ZNF750: variants seen among roughly 807,000 people sequenced by gnomAD.
ZNF750 encodes protein ZNF750.
ZNF750 carries 10 observed loss-of-function variants against 31.6 expected under a neutral mutation model. That is an observed-to-expected ratio of 0.32 (90% CI 0.19 to 0.54). The LOEUF (loss-of-function observed/expected upper bound fraction) is 0.54, where lower values mean the gene tolerates loss of function less well. Ranked by LOEUF, ZNF750 falls within the 20% of genes least tolerant of loss-of-function variation. The pLI is 0.95. For missense variants in ZNF750, 914 were observed against 934.9 expected, an observed-to-expected ratio of 0.98 and a Z score of 0.29; for synonymous variants, 400 against 404.9, an observed-to-expected ratio of 0.99 and a Z score of 0.15.
In ZNF750 at chr17:82,831,897, G is replaced by C; in HGVS notation, c.558C>G (p.Asn186Lys). ...GGAAAGACACGGCCTTGGCAGTGGG[G>C]TTGTGTAAAGCCAGTGTCTCGGGCG... ...AEAPETLALHNPTAKAVSFHT... is the reference protein window; with the variant it reads ...AEAPETLALHKPTAKAVSFHT... Residue 186 changes from asparagine to lysine, a missense_variant, in exon 2 of 3, where the codon AAC (asparagine) becomes AAG (lysine). By Grantham distance (94) the Asn-to-Lys change is moderately conservative. This residue lies in a region of ZNF750 where 880 missense variants were observed against 868.9 expected (regional missense o/e 1.01). Transcript: ENST00000269394. The surrounding 1 kb of genome is among the most constrained non-coding windows in gnomAD (Gnocchi z 4.6). 1 of 1,614,228 alleles carries C rather than the reference G, an allele frequency of 6.2e-7. No individual in the cohort carries two copies. Among genetic ancestry groups the C allele is most frequent in the South Asian group, 1.1e-5 (1 of 91,088 alleles).
At position 82,831,114 on chromosome 17, in the gene ZNF750, C is replaced by G. The variant is rs139944246; in HGVS notation, c.1341G>C (p.Pro447=). The G allele has an allele frequency of 3.8e-5, 62 of 1,614,042 alleles. No homozygotes were observed. In the African/African-American group the frequency reaches 8.0e-4, roughly 21 times the overall value. ...TGAAGGCTGTGAGGCTTTGCTCTGG[C>G]GGGTAGAGTCTTCCCAGTGCGCTGG... is the stretch of plus-strand genomic sequence containing the variant. ...AASSALGRLY[P]PEQSLTAFRP... The change falls in exon 2 of 3, where the codon CCG becomes CCC. Residue 447 remains proline (P), a synonymous_variant. Coordinates refer to ENST00000269394, the MANE Select transcript of ZNF750 (RefSeq NM_024702.3). This position sits in a 1 kb window ranked among gnomAD's most constrained non-coding sequence, Gnocchi z 4.6.
rs376589158 is a variant in ZNF750, at chr17:82,835,991, C to T, written c.-182-3355G>A. Among the ~76,000 whole-genome samples, 23 of 152,200 alleles carry T rather than the reference C, an allele frequency of 1.5e-4. No homozygotes were observed. Among genetic ancestry groups the T allele is most frequent in the African/African-American group, 2.2e-4 (9 of 41,448 alleles). ...GGGCTCAGACCCCGCGCTCAGCACC[C>T]GTCTCCCACCGTGGGCTGCCACAGA... On this transcript the variant is annotated intron_variant, in intron 1 of 2. Coordinates refer to ENST00000269394, the MANE Select transcript of ZNF750 (RefSeq NM_024702.3). The surrounding 1 kb of genome is among the most constrained non-coding windows in gnomAD (Gnocchi z 4.5).
intron 1 of ZNF750, among the ~76,000 whole-genome samples, chr17:82,836,778 A>C (rs1212504512): frequency 6.6e-6 from 1 of 152,250 alleles, no homozygotes; most frequent in East Asian, 1.9e-4. Flanking sequence ...CAAAAGCTTT[A>C]CAACAGGCAG....
Position 82,830,751 on chromosome 17 carries a change from C to T in ZNF750, c.1563G>A (p.Glu521=). Residue 521 remains glutamate (E), a synonymous_variant, in exon 3 of 3, where the codon GAG becomes GAA. Coordinates refer to ENST00000269394, the MANE Select transcript of ZNF750 (RefSeq NM_024702.3). ...GTTCGTGGGTGGCTGCCAGGTTTATCTCTGATTTCTTGGAGAGGTTGAGGG... is the reference window on the plus strand; with the variant it reads ...GTTCGTGGGTGGCTGCCAGGTTTATTTCTGATTTCTTGGAGAGGTTGAGGG... The part of the protein sequence containing the change: ...MGPLNLSKKS[E]INLAATHEPT... 6.2e-7 allele frequency: 1 copy of T among 1,613,934 alleles called. No individual in the cohort carries two copies. The highest frequency in any genetic ancestry group is 8.5e-7 in the Non-Finnish European group (1 of 1,180,040).
In ZNF750 at chr17:82,835,579, C is replaced by A. The variant is rs558232769; in HGVS notation, c.-182-2943G>T. Among the ~76,000 whole-genome samples, 78 of 152,090 alleles carry A rather than the reference C, an allele frequency of 5.1e-4. No homozygotes were observed. The highest frequency in any genetic ancestry group is 1.6e-3 in the African/African-American group (66 of 41,510). On this transcript the variant is annotated intron_variant, in intron 1 of 2. Coordinates refer to ENST00000269394, the MANE Select transcript of ZNF750 (RefSeq NM_024702.3). This position sits in a 1 kb window ranked among gnomAD's most constrained non-coding sequence, Gnocchi z 4.5. ...CTGGGATTACAGGTGCCTACCACCACGCCCAGCTAATTTTTTTGTAATTTT... is the reference window on the plus strand; with the variant it reads ...CTGGGATTACAGGTGCCTACCACCAAGCCCAGCTAATTTTTTTGTAATTTT...
rs770299355 is a variant in ZNF750 at position 82,831,672 on chromosome 17, C to A, written c.783G>T (p.Leu261=). The change falls in exon 2 of 3, where the codon CTG becomes CTT. Residue 261 remains leucine, a synonymous_variant. Coordinates refer to ENST00000269394, the MANE Select transcript of ZNF750 (RefSeq NM_024702.3). The surrounding 1 kb of genome is among the most constrained non-coding windows in gnomAD (Gnocchi z 4.6). Reference sequence around the variant, plus strand: ...CGTCACACTCAGGCGAGCTCCCAGCCAGCAGGTAAGGCGAGTAGATGGTGG... The same window carrying A: ...CGTCACACTCAGGCGAGCTCCCAGCAAGCAGGTAAGGCGAGTAGATGGTGG... ...GLATIYSPYL[L]AGSSPECDAP... The A allele has an allele frequency of 2.5e-6, 4 of 1,614,116 alleles. No homozygotes were observed. The South Asian group carries it at 4.4e-5, about 18-fold the overall frequency.
At position 82,831,880 on chromosome 17, in the gene ZNF750, A is replaced by C. The variant is rs1196823290; in HGVS notation, c.575T>G (p.Val192Gly). 6.2e-7 allele frequency: 1 copy of C among 1,614,082 alleles called. No homozygotes were observed. The highest frequency in any genetic ancestry group is 8.5e-7 in the Non-Finnish European group (1 of 1,179,996). ...GAAGGCCGACTTGGTGTGGAAAGAC[A>C]CGGCCTTGGCAGTGGGGTTGTGTAA... ...LALHNPTAKAVSFHTKSAFHT... is the reference protein window; with the variant it reads ...LALHNPTAKAGSFHTKSAFHT... The change falls in exon 2 of 3, where the codon GTG becomes GGG. Residue 192 changes from valine (V) to glycine (G), a missense_variant. Val to Gly is a moderately radical substitution (Grantham distance 109). Transcript: ENST00000269394. This position sits in a 1 kb window ranked among gnomAD's most constrained non-coding sequence, Gnocchi z 4.6.
rs1463959862 is a variant in ZNF750 at position 82,835,807 on chromosome 17, AT to A, written c.-182-3172del. Among the ~76,000 whole-genome samples, 4 of 152,200 alleles carry A rather than the reference AT, an allele frequency of 2.6e-5. No homozygotes were observed. The highest frequency in any genetic ancestry group is 5.9e-5 in the Non-Finnish European group (4 of 68,040). On this transcript the variant is annotated intron_variant, in intron 1 of 2. Transcript: ENST00000269394. The surrounding 1 kb of genome is among the most constrained non-coding windows in gnomAD (Gnocchi z 4.5). Reference sequence around the variant, plus strand: ...TAACATACTTTAAGTTCTTTAAGACATTTATTTACTAAGAAGTGGTTTGGGT... The same window carrying A: ...TAACATACTTTAAGTTCTTTAAGACATTATTTACTAAGAAGTGGTTTGGGT...
Position 82,831,497 on chromosome 17 carries a change from C to A in ZNF750, c.958G>T (p.Gly320Ter). 6.2e-7 allele frequency: 1 copy of A among 1,614,102 alleles called. No homozygotes were observed. Among genetic ancestry groups the A allele is most frequent in the Non-Finnish European group, 8.5e-7 (1 of 1,180,026 alleles). ...QYPSNLPIPY[G>*]FYRPESAFSS... ...AATGCAGACTCTGGCCTGTAAAATC[C>A]GTAAGGAATCGGCAGGTTAGAGGGA... The change falls in exon 2 of 3, where the codon GGA becomes TGA. Residue 320 changes from glycine (G) to a stop codon, truncating the protein, a stop_gained. Transcript: ENST00000269394. LOFTEE classifies it high-confidence loss of function. This position sits in a 1 kb window ranked among gnomAD's most constrained non-coding sequence, Gnocchi z 4.6.
rs748990586 is a variant in ZNF750, at chr17:82,831,411, G to T, written c.1044C>A (p.His348Gln). 3 of 1,614,216 alleles carry T rather than the reference G, an allele frequency of 1.9e-6. No individual in the cohort carries two copies. Among genetic ancestry groups the T allele is most frequent in the Non-Finnish European group, 2.5e-6 (3 of 1,180,034 alleles). The stretch of plus-strand genomic sequence containing the variant: ...AGACCAGGGTGGCTTCTTCAAGCAG[G>T]TGAGAGCTCTGATCTCGGGTGAGGC... ...VTGLTRDQSSHLLEEATLVYP... is the reference protein window; with the variant it reads ...VTGLTRDQSSQLLEEATLVYP... The change falls in exon 2 of 3, where the codon CAC becomes CAA. Residue 348 changes from histidine to glutamine, a missense_variant. Around this residue, in one of 2 missense-constraint regions of ZNF750, gnomAD observed 880 missense variants for 868.9 expected, o/e 1.01. Transcript: ENST00000269394. This position sits in a 1 kb window ranked among gnomAD's most constrained non-coding sequence, Gnocchi z 4.6.
chr17:82,832,016 G>A lies in ZNF750; in HGVS notation c.439C>T (p.Leu147Phe). The A allele has an allele frequency of 6.2e-7, 1 of 1,612,628 alleles. No individual in the cohort carries two copies. Among genetic ancestry groups the A allele is most frequent in the Admixed American group, 1.7e-5 (1 of 59,998 alleles). Reference sequence around the variant, plus strand: ...CCTTCCAGAGCAGGCTGGGCACCGAGGGCGGCTTCCGGAGCTGGGCTCTTG... The same window carrying A: ...CCTTCCAGAGCAGGCTGGGCACCGAAGGCGGCTTCCGGAGCTGGGCTCTTG... Reference protein sequence around the residue: ...PCKSPAPEAALGAQPALEGAA... With the variant: ...PCKSPAPEAAFGAQPALEGAA... The change falls in exon 2 of 3, where the codon CTC (leucine) becomes TTC (phenylalanine). Residue 147 changes from leucine to phenylalanine, a missense_variant. Leu to Phe is a conservative substitution (Grantham distance 22). Around this residue, in one of 2 missense-constraint regions of ZNF750, gnomAD observed 880 missense variants for 868.9 expected, o/e 1.01. Coordinates refer to ENST00000269394, the MANE Select transcript of ZNF750 (RefSeq NM_024702.3). This position sits in a 1 kb window ranked among gnomAD's most constrained non-coding sequence, Gnocchi z 4.9.
rs1205701348 is a variant in ZNF750, at chr17:82,831,306, C to T, written c.1149G>A (p.Glu383=). 3.1e-6 allele frequency: 5 copies of T among 1,613,984 alleles called. No individual in the cohort carries two copies. Among genetic ancestry groups the T allele is most frequent in the East Asian group, 2.2e-5 (1 of 44,880 alleles). The change falls in exon 2 of 3, where the codon GAG becomes GAA. Residue 383 remains glutamate, a synonymous_variant. Coordinates refer to ENST00000269394, the MANE Select transcript of ZNF750 (RefSeq NM_024702.3). The surrounding 1 kb of genome is among the most constrained non-coding windows in gnomAD (Gnocchi z 4.6). ...KHVEFESPIP[E]AKDSSKAGQR... is the part of the protein sequence containing the mutation. ...GCCCAGCCTTGGAGGAGTCTTTAGC[C>T]TCAGGAATTGGACTTTCGAACTCGA...
chr17:82,831,335 G>A lies in ZNF750; in HGVS notation c.1120C>T (p.His374Tyr). ...RLNPSDPNRK[H>Y]VEFESPIPEA... ...GGAATTGGACTTTCGAACTCGACGT[G>A]TTTTCTGTTGGGGTCCGAAGGGTTT... The change falls in exon 2 of 3, where the codon CAC becomes TAC. Residue 374 changes from histidine to tyrosine, a missense_variant. His to Tyr is a moderately conservative substitution (Grantham distance 83). This residue lies in a region of ZNF750 where 880 missense variants were observed against 868.9 expected (regional missense o/e 1.01). Coordinates refer to ENST00000269394, the MANE Select transcript of ZNF750 (RefSeq NM_024702.3). This position sits in a 1 kb window ranked among gnomAD's most constrained non-coding sequence, Gnocchi z 4.6. 6.2e-7 allele frequency: 1 copy of A among 1,614,046 alleles called. No individual in the cohort carries two copies. Among genetic ancestry groups the A allele is most frequent in the Non-Finnish European group, 8.5e-7 (1 of 1,180,028 alleles).
Position 82,833,990 on chromosome 17 carries a change from T to G in ZNF750, c.-182-1354A>C, listed in dbSNP as rs542173343. On this transcript the variant is annotated intron_variant, in intron 1 of 2. Transcript: ENST00000269394. This position sits in a 1 kb window ranked among gnomAD's most constrained non-coding sequence, Gnocchi z 4.7. ...ACAGAGTTTCTCCCTTGTTGCCCAGTCTGGAGTGCCATGGCGCAATCTCAG... is the reference window on the plus strand; with the variant it reads ...ACAGAGTTTCTCCCTTGTTGCCCAGGCTGGAGTGCCATGGCGCAATCTCAG... Among the ~76,000 whole-genome samples, 4 of 152,000 alleles carry G rather than the reference T, an allele frequency of 2.6e-5. No individual in the cohort carries two copies. The highest frequency in any genetic ancestry group is 9.6e-5 in the African/African-American group (4 of 41,486).
chr17:82,831,831 T>C lies in ZNF750; in HGVS notation c.624A>G (p.Lys208=), dbSNP rs1567853851. The stretch of plus-strand genomic sequence containing the variant: ...CTGGTGGAAGGAAAGGTGAGCCGGC[T>C]TTCCAGGGGTAGCCAGGAGTGTGGA... The part of the protein sequence containing the change: ...SAFHTPGYPW[K]AGSPFLPPEF... Residue 208 remains lysine, a synonymous_variant, in exon 2 of 3, where the codon AAA becomes AAG. Transcript: ENST00000269394. The surrounding 1 kb of genome is among the most constrained non-coding windows in gnomAD (Gnocchi z 4.6). 6.2e-7 allele frequency: 1 copy of C among 1,614,058 alleles called. No individual in the cohort carries two copies.
chr17:82,839,057 C>A (rs994151896), intron 1 of ZNF750: 2 of 861,122 alleles, frequency 2.3e-6, no homozygotes, highest in African/African-American at 1.8e-5. Context: ...AAGACCTTAA[C>A]AACCAAACAG....
In ZNF750 at chr17:82,832,403, G is replaced by T. The variant is rs1248548357; in HGVS notation, c.52C>A (p.Pro18Thr). 1.9e-6 allele frequency: 3 copies of T among 1,614,108 alleles called. No individual in the cohort carries two copies. The highest frequency in any genetic ancestry group is 1.1e-5 in the South Asian group (1 of 91,084). ...KPKKPHYIPRPPGKPFKYKCF... is the reference protein window; with the variant it reads ...KPKKPHYIPRTPGKPFKYKCF... ...TTATACTTGAAGGGCTTTCCTGGAG[G>T]CCTGGGGATGTAATGTGGCTTTTTT... The change falls in exon 2 of 3, where the codon CCT (proline) becomes ACT (threonine). Residue 18 changes from proline to threonine, a missense_variant. This residue lies in a region of ZNF750 where 34 missense variants were observed against 66.0 expected (regional missense o/e 0.52). Coordinates refer to ENST00000269394, the MANE Select transcript of ZNF750 (RefSeq NM_024702.3). This position sits in a 1 kb window ranked among gnomAD's most constrained non-coding sequence, Gnocchi z 4.9.
rs758908768 is a variant in ZNF750, at chr17:82,830,814, G to A, written c.1500C>T (p.Ala500=). ...AGCTGTCGTCCGGACTGGAAGGCGC[G>A]GCCTCCGAGACGAGAGAGGCGCTTC... ...PTGSASLVSE[A]APSSPDDSSG... The change falls in exon 3 of 3, where the codon GCC becomes GCT. Residue 500 remains alanine, a synonymous_variant. Coordinates refer to ENST00000269394, the MANE Select transcript of ZNF750 (RefSeq NM_024702.3). The A allele has an allele frequency of 1.2e-6, 2 of 1,613,412 alleles. No homozygotes were observed. The highest frequency in any genetic ancestry group is 2.2e-5 in the East Asian group (1 of 44,882).
chr17:82,831,219 T>G lies in ZNF750; in HGVS notation c.1236A>C (p.Pro412=). The G allele has an allele frequency of 1.2e-6, 2 of 1,614,022 alleles. No individual in the cohort carries two copies. The highest frequency in any genetic ancestry group is 1.7e-6 in the Non-Finnish European group (2 of 1,180,028). The change falls in exon 2 of 3, where the codon CCA becomes CCC. Residue 412 remains proline (P), a synonymous_variant. Transcript: ENST00000269394. The surrounding 1 kb of genome is among the most constrained non-coding windows in gnomAD (Gnocchi z 4.6). ...TGAAGTCGGTGGGGCTCGGCCTCCC[T>G]GGGGAGCCCGTGGCTGCACTCCCTG... ...PRAGSAATGS[P]GRPSPTDFMQ... is the part of the protein sequence containing the mutation.
Sources: gnomAD v4.1 joint callset for allele counts (sites outside exome capture counted in the v4.1 genomes callset) on GRCh38, gnomAD v4.1.1 for gene constraint, gnomAD v4.1.1 regional missense constraint, Gnocchi (gnomAD v3.1) non-coding constraint, MANE v1.5 for transcripts, NCBI Gene and HGNC (gene_info 2026-07-23, HGNC 2026-07-21) for gene names.